Variants in MED15 observed in about 807,000 individuals in gnomAD.
MED15 encodes mediator of RNA polymerase II transcription subunit 15.
Under a neutral mutation model 118.7 loss-of-function variants are expected in MED15, and 41 were observed. The ratio of observed to expected loss-of-function variants is 0.35; its 90% CI spans 0.27 to 0.45. The LOEUF is 0.45. MED15 is among the 20% of genes least tolerant of loss of function. MED15 has a pLI of 1.00. For synonymous variants in MED15, 436 were observed against 413.9 expected, an observed-to-expected ratio of 1.05 and a Z score of -0.65; for missense variants, 740 against 1,025.5, an observed-to-expected ratio of 0.72 and a Z score of 3.80.
chr22:20,554,979 G>C lies in MED15; in HGVS notation c.282G>C (p.Ala94=), dbSNP rs759898076. The C allele has an allele frequency of 1.2e-6, 2 of 1,610,854 alleles. No homozygotes were observed. The highest frequency in any genetic ancestry group is 2.7e-5 in the African/African-American group (2 of 75,024). ...AGAGCCTGACTGGCGGACCTGCTGC[G>C]GGAGCCGCTGGAATTGGCATGCCTC... The part of the protein sequence containing the change: ...ALQSLTGGPA[A]GAAGIGMPPR... The change falls in exon 5 of 18, where the codon GCG becomes GCC. Residue 94 remains alanine (A), a synonymous_variant. Coordinates refer to ENST00000263205, the MANE Select transcript of MED15 (RefSeq NM_001003891.3).
At chr22:20,531,519 C>T (rs1398149427) in intron 1 of MED15, among the ~76,000 whole-genome samples, 2 of 152,212 alleles carry the variant, frequency 1.3e-5, no homozygotes, top group Non-Finnish European at 2.9e-5. Context: ...TGTCTGCTTC[C>T]TGCCAGGCCC....
At chr22:20,532,983 T>C (rs1302625392) in intron 1 of MED15, among the ~76,000 whole-genome samples, 3 of 152,170 alleles carry the variant, frequency 2.0e-5, no homozygotes, top group Non-Finnish European at 4.4e-5. Context: ...TTTCCTTTCA[T>C]TTCGTGACAG....
intron 16 of MED15, 133 bp from the exon 17 acceptor site, chr22:20,585,595 G>T (rs1015735460): frequency 1.2e-6 from 1 of 828,556 alleles, no homozygotes; most frequent in Non-Finnish European, 1.9e-6. Flanking sequence ...GAGAGTCAGA[G>T]AGACCTCCTC....
At position 20,586,833 on chromosome 22, in the gene MED15, C is replaced by T; in HGVS notation, c.*129C>T. 1 of 1,354,404 alleles carries T rather than the reference C, an allele frequency of 7.4e-7. No individual in the cohort carries two copies. Among genetic ancestry groups the T allele is most frequent in the Non-Finnish European group, 9.9e-7 (1 of 1,008,096 alleles). 83.9% of individuals were successfully genotyped at this position (1,354,404 alleles called of 1,614,324 possible). On this transcript the variant is annotated 3_prime_UTR_variant, in exon 18 of 18. Coordinates refer to ENST00000263205, the MANE Select transcript of MED15 (RefSeq NM_001003891.3). Reference sequence around the variant, plus strand: ...TAGCTTTCCTGCTTTTATCTTCTGCCTTGGGGACCTGCCAAACGAAATCCC... The same window carrying T: ...TAGCTTTCCTGCTTTTATCTTCTGCTTTGGGGACCTGCCAAACGAAATCCC...
chr22:20,514,017 A>C (rs1253116394), intron 1 of MED15, among the ~76,000 whole-genome samples: 1 of 152,202 alleles, frequency 6.6e-6, no homozygotes, highest in East Asian at 1.9e-4. Flanking sequence ...GACGCATGCC[A>C]CCAGGCCCAG....
intron 7 of MED15, 36 bp downstream of exon 7, chr22:20,566,853 C>T (rs2056461340): frequency 6.2e-7 from 1 of 1,601,690 alleles, no homozygotes; most frequent in Non-Finnish European, 8.5e-7. Context: ...GCACATGCAG[C>T]CCGTGGCTCT....
chr22:20,526,752 G>A (rs749170759), intron 1 of MED15, among the ~76,000 whole-genome samples: 2 of 152,118 alleles, frequency 1.3e-5, no homozygotes, highest in African/African-American at 2.4e-5. Context: ...GGAGGTGGGC[G>A]GTGACCCTCT....
chr22:20,584,669 G>A, intron 14 of MED15, 186 bp from the exon 15 acceptor site: 1 of 883,486 alleles, frequency 1.1e-6, no homozygotes, highest in Non-Finnish European at 1.7e-6. Flanking sequence ...GGGACTGTAG[G>A]GAGGATAGGC....
At chr22:20,516,009 C>CAAACA (rs386394966) in intron 1 of MED15, among the ~76,000 whole-genome samples, 1 of 148,806 alleles carries the variant, frequency 6.7e-6, no homozygotes, top group African/African-American at 2.5e-5. Flanking sequence ...TCAAAACAAA[C>CAAACA]AAAAAAAATT....
intron 8 of MED15, among the ~76,000 whole-genome samples, chr22:20,571,280 T>G (rs371769734): frequency 3.9e-4 from 60 of 152,378 alleles, no homozygotes; most frequent in Non-Finnish European, 6.9e-4. Context: ...GGGCCACTGG[T>G]CTTCCTGTCG....
intron 1 of MED15, among the ~76,000 whole-genome samples, chr22:20,510,252 G>A (rs2054016369): frequency 6.6e-6 from 1 of 152,112 alleles, no homozygotes; most frequent in Admixed American, 6.6e-5. Flanking sequence ...TGGGTGTGAT[G>A]GCGCACACCT....
rs781516650 is a variant in MED15, at chr22:20,583,316, C to T, written c.1673-14C>T. ...CCAGGCTTGTGTCTTAGTGTGTACC[C>T]TCTTCTGTCCCAGACAGAAAAAAGG... On this transcript the variant is annotated splice_polypyrimidine_tract_variant and intron_variant, in intron 12 of 17. Transcript: ENST00000263205. The T allele has an allele frequency of 5.6e-6, 9 of 1,613,338 alleles. No individual in the cohort carries two copies. The highest frequency in any genetic ancestry group is 1.3e-5 in the African/African-American group (1 of 74,936).
intron 8 of MED15, among the ~76,000 whole-genome samples, chr22:20,571,119 A>G (rs2056648198): frequency 6.6e-6 from 1 of 152,148 alleles, no homozygotes; most frequent in Non-Finnish European, 1.5e-5. Flanking sequence ...TGGAGCAGCC[A>G]GTGTTTTCAG....
At chr22:20,531,724 G>A (rs963051865) in intron 1 of MED15, among the ~76,000 whole-genome samples, 6 of 152,258 alleles carry the variant, frequency 3.9e-5, no homozygotes, top group African/African-American at 1.2e-4. Flanking sequence ...AGTGATGACT[G>A]CCCACTGCAC....
chr22:20,556,185 G>A (rs1368596798), intron 5 of MED15, among the ~76,000 whole-genome samples: 1 of 152,124 alleles, frequency 6.6e-6, no homozygotes, highest in Non-Finnish European at 1.5e-5. Context: ...GTTCCCACAT[G>A]CCCTTTACCC....
chr22:20,534,842 C>A (rs1255444221), intron 1 of MED15, among the ~76,000 whole-genome samples: 1 of 152,208 alleles, frequency 6.6e-6, no homozygotes, highest in African/African-American at 2.4e-5. Context: ...TTAACTCTCT[C>A]ATCTTTTGTG....
rs527973875 is a variant in MED15, at chr22:20,535,998, T to C, written c.69-1119T>C. ...TTCAAGCGATTCTCCTGCCTCAGCC[T>C]CCTTTGTAGCTGAGATTACAGGCAT... On this transcript the variant is annotated intron_variant, in intron 1 of 17. Coordinates refer to ENST00000263205, the MANE Select transcript of MED15 (RefSeq NM_001003891.3). 3.3e-5 allele frequency among the ~76,000 whole-genome samples: 5 copies of C among 151,006 alleles called. No individual in the cohort carries two copies. In the East Asian group the frequency reaches 5.9e-4, roughly 18 times the overall value.
intron 5 of MED15, among the ~76,000 whole-genome samples, chr22:20,557,263 G>A (rs897568893): frequency 2.0e-5 from 3 of 152,086 alleles, no homozygotes; most frequent in African/African-American, 7.2e-5. Context: ...ACCCTATCCT[G>A]TGTCAGGTTT....
chr22:20,544,305 G>A (rs1311334861), intron 2 of MED15, among the ~76,000 whole-genome samples: 3 of 152,058 alleles, frequency 2.0e-5, no homozygotes, highest in Non-Finnish European at 4.4e-5. Context: ...CCCTACTCCT[G>A]GTAACAAAAT....
Sources: allele counts gnomAD v4.1 joint callset (sites outside exome capture counted in the v4.1 genomes callset), GRCh38; gene constraint gnomAD v4.1.1; transcripts MANE v1.5; gene names NCBI Gene and HGNC (gene_info 2026-07-23, HGNC 2026-07-21).